Variants in TAF3 observed in about 807,000 individuals in gnomAD.
TAF3 encodes the protein transcription initiation factor TFIID subunit 3.
A neutral mutation model predicts 80.6 loss-of-function variants in TAF3; 7 were observed. That is an observed-to-expected ratio of 0.09 (90% confidence interval 0.05 to 0.16). The LOEUF (loss-of-function observed/expected upper bound fraction) is 0.16. TAF3 is among the 10% of genes least tolerant of loss of function. TAF3 has a pLI of 1.00. For missense variants in TAF3, 921 were observed against 1,140.2 expected, an observed-to-expected ratio of 0.81 and a Z score of 2.77; for synonymous variants, 444 against 446.1, an observed-to-expected ratio of 1.00 and a Z score of 0.06.
intron 2 of TAF3, among the ~76,000 whole-genome samples, chr10:7,905,283 C>G (rs1192226177): frequency 6.6e-6 from 1 of 152,138 alleles, no homozygotes; most frequent in Non-Finnish European, 1.5e-5. Flanking sequence ...GCTGCCTTGA[C>G]TATAAATAGC....
At chr10:7,983,936 G>A (rs2131423859) in intron 4 of TAF3, among the ~76,000 whole-genome samples, 1 of 152,228 alleles carries the variant, frequency 6.6e-6, no homozygotes, top group South Asian at 2.1e-4. Flanking sequence ...AAGTTCACAA[G>A]TGACATTTAA....
At chr10:8,000,045 A>G (rs1831928089) in intron 4 of TAF3, among the ~76,000 whole-genome samples, 1 of 152,280 alleles carries the variant, frequency 6.6e-6, no homozygotes, top group Non-Finnish European at 1.5e-5. Flanking sequence ...TTTTAAGTGT[A>G]TAACTCAAGC....
chr10:7,869,244 ACC>A (rs148567090), intron 2 of TAF3, among the ~76,000 whole-genome samples: 27,843 of 152,024 alleles, frequency 0.18, 2,751 homozygotes, highest in East Asian at 0.29. Flanking sequence ...CCTGACTTCT[ACC>A]GTGTGTGTGT....
chr10:7,849,810 G>A (rs1837009702), intron 2 of TAF3, among the ~76,000 whole-genome samples: 1 of 151,876 alleles, frequency 6.6e-6, no homozygotes, highest in Admixed American at 6.6e-5. Flanking sequence ...CTCCCAAGTA[G>A]CTGGGACCAC....
chr10:7,892,234 A>G (rs1339354782), intron 2 of TAF3, among the ~76,000 whole-genome samples: 2 of 152,238 alleles, frequency 1.3e-5, no homozygotes, highest in African/African-American at 2.4e-5. Flanking sequence ...TGGCTAGGAA[A>G]TAGATTATTG....
At chr10:7,982,229 AG>A (rs998050423) in intron 4 of TAF3, among the ~76,000 whole-genome samples, 2 of 152,132 alleles carry the variant, frequency 1.3e-5, no homozygotes, top group African/African-American at 4.8e-5. Context: ...AAACAAATTT[AG>A]GGGAAAGTAA....
chr10:7,875,036 G>A (rs1276345854), intron 2 of TAF3, among the ~76,000 whole-genome samples: 1 of 152,038 alleles, frequency 6.6e-6, no homozygotes, highest in Non-Finnish European at 1.5e-5. Context: ...ATAGATAGCA[G>A]TTTGTAGGTT....
At chr10:8,008,576 T>C (rs1832019296) in intron 4 of TAF3, among the ~76,000 whole-genome samples, 1 of 152,090 alleles carries the variant, frequency 6.6e-6, no homozygotes, top group African/African-American at 2.4e-5. Context: ...CCAGGTTAGG[T>C]TTATGGTAAT....
At chr10:7,859,868 CTT>C (rs1837127158) in intron 2 of TAF3, among the ~76,000 whole-genome samples, 2 of 152,254 alleles carry the variant, frequency 1.3e-5, no homozygotes, top group African/African-American at 4.8e-5. Context: ...TCCCAGATAA[CTT>C]ATTATTTCAT....
At chr10:7,998,729 C>T (rs557273994) in intron 4 of TAF3, among the ~76,000 whole-genome samples, 1 of 151,988 alleles carries the variant, frequency 6.6e-6, no homozygotes, top group African/African-American at 2.4e-5. Flanking sequence ...ATCCCAGCTA[C>T]TCAGGAGGCT....
chr10:7,968,764 G>A (rs1245158734), intron 3 of TAF3, among the ~76,000 whole-genome samples: 2 of 152,172 alleles, frequency 1.3e-5, no homozygotes, highest in Non-Finnish European at 2.9e-5. Flanking sequence ...AATCCAGGCT[G>A]TCAGATGCTA....
chr10:7,900,322 A>G (rs1564359650), intron 2 of TAF3, among the ~76,000 whole-genome samples: 2 of 152,252 alleles, frequency 1.3e-5, no homozygotes. Flanking sequence ...TTATACTTTT[A>G]ATGGAGGCAT....
chr10:7,997,338 ATT>A (rs1831899422), intron 4 of TAF3, among the ~76,000 whole-genome samples: 1 of 152,230 alleles, frequency 6.6e-6, no homozygotes, highest in South Asian at 2.1e-4. Context: ...GATAATTTGG[ATT>A]ACTGGTTTCA....
chr10:7,901,758 G>A (rs1837560479), intron 2 of TAF3, among the ~76,000 whole-genome samples: 1 of 152,156 alleles, frequency 6.6e-6, no homozygotes, highest in African/African-American at 2.4e-5. Flanking sequence ...AAATACAATG[G>A]TATTAAAAGC....
chr10:7,912,299 G>C (rs955457487), intron 2 of TAF3, among the ~76,000 whole-genome samples: 2 of 152,134 alleles, frequency 1.3e-5, no homozygotes, highest in Non-Finnish European at 2.9e-5. Flanking sequence ...AGGGTCCCAC[G>C]ATGTTGCCCA....
chr10:7,895,199 A>T (rs764760643), intron 2 of TAF3, among the ~76,000 whole-genome samples: 1 of 152,180 alleles, frequency 6.6e-6, no homozygotes, highest in African/African-American at 2.4e-5. Flanking sequence ...TGGTAACTTG[A>T]TAACAGCTTT....
chr10:7,938,076 T>G (rs1290094063), intron 2 of TAF3, among the ~76,000 whole-genome samples: 1 of 152,238 alleles, frequency 6.6e-6, no homozygotes, highest in Admixed American at 6.5e-5. Flanking sequence ...TATGAATGTC[T>G]TTATTAATAA....
chr10:7,845,016 A>C (rs1836955612), intron 2 of TAF3, among the ~76,000 whole-genome samples: 1 of 152,178 alleles, frequency 6.6e-6, no homozygotes, highest in Non-Finnish European at 1.5e-5. Flanking sequence ...TTTTTAGGTC[A>C]AAGGTATAAA....
At chr10:7,859,763 A>G (rs1202655081) in intron 2 of TAF3, among the ~76,000 whole-genome samples, 2 of 152,172 alleles carry the variant, frequency 1.3e-5, no homozygotes, top group African/African-American at 4.8e-5. Context: ...GAGAAGAGAT[A>G]TTTTTGTCAA....
Sources: gnomAD v4.1 joint callset for allele counts (sites outside exome capture counted in the v4.1 genomes callset) on GRCh38, gnomAD v4.1.1 for gene constraint, MANE v1.5 for transcripts, NCBI Gene and HGNC (gene_info 2026-07-23, HGNC 2026-07-21) for gene names.